Variants in B3GAT1 observed in about 807,000 individuals in gnomAD.
B3GAT1 encodes galactosylgalactosylxylosylprotein 3-beta-glucuronosyltransferase 1.
In B3GAT1, 11 loss-of-function variants were observed where a neutral mutation model predicts 28.4. The ratio of observed to expected loss-of-function variants is 0.39; its 90% CI spans 0.24 to 0.64. The LOEUF (loss-of-function observed/expected upper bound fraction) is 0.64, where lower values mean the gene tolerates loss of function less well. Ranked by LOEUF, B3GAT1 falls within the 30% of genes least tolerant of loss-of-function variation. The pLI, the probability that B3GAT1 is intolerant of heterozygous loss-of-function variation, is 0.50. For synonymous variants in B3GAT1, 255 were observed against 223.1 expected (o/e 1.14, Z -1.27); for missense variants, 375 against 491.0 (o/e 0.76, Z 2.23).
intron 1 of B3GAT1, among the ~76,000 whole-genome samples, chr11:134,395,091 C>T (rs2136323449): frequency 6.6e-6 from 1 of 152,318 alleles, no homozygotes; most frequent in Admixed American, 6.5e-5. Flanking sequence ...AGCTAGTGGT[C>T]TTCAGGCAGC....
chr11:134,383,063 C>A, intron 3 of B3GAT1, 57 bp from the exon 4 acceptor site: 1 of 1,476,136 alleles, frequency 6.8e-7, no homozygotes. Flanking sequence ...GACGGCCGCG[C>A]GTGCCCAAGG....
intron 1 of B3GAT1, among the ~76,000 whole-genome samples, chr11:134,404,644 C>T (rs546495118): frequency 1.4e-4 from 22 of 152,228 alleles, no homozygotes; most frequent in Non-Finnish European, 1.9e-4. Flanking sequence ...GGTATGCCTG[C>T]GGGAGGCCCC....
chr11:134,383,890 G>C lies in B3GAT1; in HGVS notation c.411C>G (p.Thr137=). The change falls in exon 3 of 6, where the codon ACC becomes ACG. Residue 137 remains threonine, a synonymous_variant. Coordinates refer to ENST00000312527, the MANE Select transcript of B3GAT1 (RefSeq NM_054025.3). ...TPLTARLLRD[T]GLNYTHLHVE... ...CGTGCAGGTGCGTGTAGTTGAGGCC[G>C]GTGTCGCGCAGCAGGCGCGCGGTCA... 1 of 1,595,508 alleles carries C rather than the reference G, an allele frequency of 6.3e-7. No homozygotes were observed. Among genetic ancestry groups the C allele is most frequent in the Non-Finnish European group, 8.5e-7 (1 of 1,175,010 alleles).
rs562283857 is a variant in B3GAT1 at position 134,389,987 on chromosome 11, C to T, written c.-281-2047G>A. ...TCCCAGGACGGCCGGCATCCCCTGC[C>T]CACACCCCGCCATCAGAGGCCCACT... On this transcript the variant is annotated intron_variant, in intron 1 of 5. Transcript: ENST00000312527. 3.3e-5 allele frequency: 5 copies of T among 152,394 alleles called. No individual in the cohort carries two copies. In the East Asian group the frequency reaches 5.8e-4, roughly 18 times the overall value. The allele number at this position is 152,394 out of a possible 1,614,324, so 9.4% of individuals were successfully genotyped here. A position where few individuals can be genotyped will look rare whatever the true frequency, so the allele number is the denominator to read the frequency against.
At chr11:134,402,797 C>T (rs901971808) in intron 1 of B3GAT1, among the ~76,000 whole-genome samples, 1 of 151,962 alleles carries the variant, frequency 6.6e-6, no homozygotes, top group Non-Finnish European at 1.5e-5. Flanking sequence ...CCTATAATCC[C>T]AGCTACTGGG....
At chr11:134,391,438 G>C (rs1239309605) in intron 1 of B3GAT1, 2 of 152,312 alleles carry the variant, frequency 1.3e-5, no homozygotes, top group African/African-American at 4.8e-5. Flanking sequence ...GCCAGCACTG[G>C]TCCCCTCTCG....
chr11:134,412,187 G>A lies in B3GAT1; in HGVS notation c.-662C>T, dbSNP rs1163430658. Among the ~76,000 whole-genome samples the A allele has an allele frequency of 6.9e-6, 1 of 144,222 alleles. No homozygotes were observed. The highest frequency in any genetic ancestry group is 6.8e-5 in the Admixed American group (1 of 14,638). 94.6% of individuals were successfully genotyped at this position (144,222 alleles called of 152,430 possible). A position where few individuals can be genotyped will look rare whatever the true frequency, so the allele number is the denominator to read the frequency against. On this transcript the variant is annotated 5_prime_UTR_variant, in exon 1 of 6. Transcript: ENST00000312527. ...GCGCGCGGCCGGAGCCGAGCCGACCGGGCCGGCGCAGAGTCCCCGAGGTGG... is the reference window on the plus strand; with the variant it reads ...GCGCGCGGCCGGAGCCGAGCCGACCAGGCCGGCGCAGAGTCCCCGAGGTGG...
rs1944876513 is a variant in B3GAT1 at position 134,412,205 on chromosome 11, C to G, written c.-680G>C. Among the ~76,000 whole-genome samples, 1 of 144,892 alleles carries G rather than the reference C, an allele frequency of 6.9e-6. No homozygotes were observed. The highest frequency in any genetic ancestry group is 2.1e-4 in the South Asian group (1 of 4,732). ...GCCGACCGGGCCGGCGCAGAGTCCC[C>G]GAGGTGGCGGCGGATGCGCCGGTGC... On this transcript the variant is annotated 5_prime_UTR_variant, in exon 1 of 6. Coordinates refer to ENST00000312527, the MANE Select transcript of B3GAT1 (RefSeq NM_054025.3).
chr11:134,400,168 C>G (rs1302324278), intron 1 of B3GAT1, among the ~76,000 whole-genome samples: 1 of 152,166 alleles, frequency 6.6e-6, no homozygotes, highest in East Asian at 1.9e-4. Flanking sequence ...GGCCCTGCCC[C>G]TGCCCCGATC....
chr11:134,399,609 C>T (rs769956054), intron 1 of B3GAT1, among the ~76,000 whole-genome samples: 11 of 152,218 alleles, frequency 7.2e-5, no homozygotes, highest in Non-Finnish European at 1.5e-4. Context: ...AGAGGGCAGT[C>T]CAGAACCCAG....
intron 1 of B3GAT1, chr11:134,391,222 C>T (rs898985570): frequency 1.3e-5 from 2 of 152,202 alleles, no homozygotes; most frequent in African/African-American, 4.8e-5. Flanking sequence ...CTATTATAAG[C>T]ATAGTAGCAA....
rs1266703110 is a variant in B3GAT1 at position 134,383,950 on chromosome 11, C to T, written c.351G>A (p.Trp117Ter). The change falls in exon 3 of 6, where the codon TGG becomes TGA. Residue 117 changes from tryptophan to a stop codon, truncating the protein, a stop_gained. Transcript: ENST00000312527. LOFTEE classifies it high-confidence loss of function. ...GGCGCGGCGCATCCTCCACCACCAG[C>T]CAGTGGAGGTTGGGCACGTGCAGCA... ...NTLLHVPNLH[W>*]LVVEDAPRRT... 6.3e-7 allele frequency: 1 copy of T among 1,598,982 alleles called. No individual in the cohort carries two copies. The highest frequency in any genetic ancestry group is 8.5e-7 in the Non-Finnish European group (1 of 1,177,480).
chr11:134,403,005 G>A (rs1270856601), intron 1 of B3GAT1, among the ~76,000 whole-genome samples: 2 of 152,104 alleles, frequency 1.3e-5, no homozygotes, highest in African/African-American at 4.8e-5. Context: ...GCCCTACACA[G>A]CAGAGGAGGT....
chr11:134,401,854 C>T (rs531844147), intron 1 of B3GAT1, among the ~76,000 whole-genome samples: 2 of 152,130 alleles, frequency 1.3e-5, no homozygotes, highest in African/African-American at 2.4e-5. Context: ...GACCAGCCTT[C>T]GGGCAGCCTT....
At chr11:134,403,152 C>T (rs1192784951) in intron 1 of B3GAT1, among the ~76,000 whole-genome samples, 1 of 152,150 alleles carries the variant, frequency 6.6e-6, no homozygotes, top group African/African-American at 2.4e-5. Flanking sequence ...CCACCACCGA[C>T]ATGTAGCCCA....
At chr11:134,388,454 C>T (rs7938673) in intron 1 of B3GAT1, 5 of 155,272 alleles carry the variant, frequency 3.2e-5, no homozygotes, top group South Asian at 2.0e-4. Context: ...ATATGGACCA[C>T]GAATTATTAT....
chr11:134,411,660 C>T lies in B3GAT1; in HGVS notation c.-282+147G>A. ...CGGCCCCCTTTCCAGCTGCCCCCAG[C>T]GCGCGCAGCGCACACACACACACAC... On this transcript the variant is annotated intron_variant, in intron 1 of 5. Coordinates refer to ENST00000312527, the MANE Select transcript of B3GAT1 (RefSeq NM_054025.3). This position sits in a 1 kb window ranked among gnomAD's most constrained non-coding sequence, Gnocchi z 6.0. The T allele has an allele frequency of 7.2e-6, 1 of 138,856 alleles. No homozygotes were observed. Among genetic ancestry groups the T allele is most frequent in the Non-Finnish European group, 1.5e-5 (1 of 65,528 alleles). The allele number at this position is 138,856 out of a possible 1,614,324, so 8.6% of individuals were successfully genotyped here. A position where few individuals can be genotyped will look rare whatever the true frequency, so the allele number is the denominator to read the frequency against.
chr11:134,406,117 T>C (rs1944727028), intron 1 of B3GAT1, among the ~76,000 whole-genome samples: 1 of 152,188 alleles, frequency 6.6e-6, no homozygotes, highest in Non-Finnish European at 1.5e-5. Flanking sequence ...GGCAGCACAG[T>C]TGGCCTCTGA....
intron 1 of B3GAT1, among the ~76,000 whole-genome samples, chr11:134,401,971 G>C (rs1238368519): frequency 4.1e-5 from 4 of 98,102 alleles, no homozygotes; most frequent in Admixed American, 3.9e-4. Flanking sequence ...GGCCTGGGGC[G>C]GGGGGGGGCG....
Sources: gnomAD v4.1 joint callset for allele counts (sites outside exome capture counted in the v4.1 genomes callset) on GRCh38, gnomAD v4.1.1 for gene constraint, Gnocchi (gnomAD v3.1) non-coding constraint, MANE v1.5 for transcripts, NCBI Gene and HGNC (gene_info 2026-07-23, HGNC 2026-07-21) for gene names.